The following ACOXL variants were observed in gnomAD, a reference collection of about 807,000 sequenced individuals.
The protein encoded by ACOXL is acyl-CoA oxidase like, also known as acyl-coenzyme A oxidase-like protein.
Under a neutral mutation model 71.9 loss-of-function variants are expected in ACOXL, and 70 were observed. The ratio of observed to expected loss-of-function variants is 0.97; its 90% CI spans 0.80 to 1.19. The LOEUF is 1.19. Among genes scored for constraint, ACOXL ranks in the 50% most tolerant of loss-of-function variants. The probability of loss-of-function intolerance (pLI) is 0.00; values close to 1 mark genes in which losing one functional copy is unlikely to be tolerated. For synonymous variants in ACOXL, 253 were observed against 281.6 expected (o/e 0.90, Z 1.02); for missense variants, 703 against 736.3 (o/e 0.95, Z 0.52).
intron 10 of ACOXL, among the ~76,000 whole-genome samples, chr2:110,885,925 C>G (rs1470895050): frequency 6.6e-6 from 1 of 152,152 alleles, no homozygotes; most frequent in East Asian, 1.9e-4. Context: ...TTATTATTGC[C>G]TATTTTATTG....
intron 12 of ACOXL, among the ~76,000 whole-genome samples, chr2:110,980,869 T>C (rs1166714831): frequency 6.6e-6 from 1 of 152,242 alleles, no homozygotes; most frequent in Non-Finnish European, 1.5e-5. Context: ...TGAGAATTTA[T>C]GTCAAGTGTG....
At chr2:110,788,899 G>A (rs974348018) in intron 3 of ACOXL, among the ~76,000 whole-genome samples, 6 of 152,204 alleles carry the variant, frequency 3.9e-5, no homozygotes, top group Non-Finnish European at 7.3e-5. Flanking sequence ...TCAGTCAGGG[G>A]TTCCCCAGAT....
At chr2:110,862,101 C>T (rs536059017) in intron 10 of ACOXL, among the ~76,000 whole-genome samples, 1 of 152,308 alleles carries the variant, frequency 6.6e-6, no homozygotes, top group Admixed American at 6.5e-5. Flanking sequence ...GTGAGGCCTT[C>T]GAACCGAGAA....
intron 16 of ACOXL, among the ~76,000 whole-genome samples, chr2:111,074,502 A>G (rs2067501176): frequency 6.6e-6 from 1 of 152,072 alleles, no homozygotes; most frequent in South Asian, 2.1e-4. Context: ...TCAGGAATTA[A>G]TGTTAAATTT....
intron 17 of ACOXL, among the ~76,000 whole-genome samples, chr2:111,115,316 CT>C (rs548798402): frequency 1.7e-3 from 259 of 152,232 alleles, no homozygotes; most frequent in Non-Finnish European, 3.2e-3. Context: ...AAAATACCCC[CT>C]GGTAATAAAA....
At chr2:110,881,391 A>G (rs1244352727) in intron 10 of ACOXL, among the ~76,000 whole-genome samples, 1 of 152,026 alleles carries the variant, frequency 6.6e-6, no homozygotes, top group Admixed American at 6.5e-5. Flanking sequence ...TTATATCATA[A>G]ATTGCTTTCC....
At chr2:110,846,643 A>ACG (rs1223702656) in intron 10 of ACOXL, among the ~76,000 whole-genome samples, 154 of 84,010 alleles carry the variant, frequency 1.8e-3, no homozygotes, top group African/African-American at 5.6e-3. Context: ...GCATACACGC[A>ACG]CACACACACA....
chr2:110,785,722 G>C (rs1683883542), intron 3 of ACOXL, among the ~76,000 whole-genome samples: 1 of 152,140 alleles, frequency 6.6e-6, no homozygotes, highest in South Asian at 2.1e-4. Flanking sequence ...AAGTGCTGCT[G>C]TGAATACTCT....
intron 1 of ACOXL, among the ~76,000 whole-genome samples, chr2:110,753,014 G>T (rs1316368448): frequency 6.6e-6 from 1 of 152,128 alleles, no homozygotes; most frequent in Non-Finnish European, 1.5e-5. Flanking sequence ...GTTGGAGGTG[G>T]GACCTAGTGG....
chr2:111,029,868 C>G (rs1049065309), intron 14 of ACOXL, among the ~76,000 whole-genome samples: 5 of 151,764 alleles, frequency 3.3e-5, no homozygotes, highest in African/African-American at 1.2e-4. Context: ...GTTTTTTTTC[C>G]TTTTTCCTCA....
intron 1 of ACOXL, among the ~76,000 whole-genome samples, chr2:110,736,966 G>C (rs1049570042): frequency 1.3e-5 from 2 of 152,152 alleles, no homozygotes; most frequent in African/African-American, 4.8e-5. Flanking sequence ...TTGGCCCCCA[G>C]CCACTTTGTT....
Position 110,745,741 on chromosome 2 carries a change from A to G in ACOXL, c.-23+12967A>G, listed in dbSNP as rs139738700. On this transcript the variant is annotated intron_variant, in intron 1 of 17. Transcript: ENST00000439055. ...AAAATATTACCCGTGCAAGGAACCA[A>G]TGTCTGACTAAAGAGATGAAGTGTC... Among the ~76,000 whole-genome samples the G allele has an allele frequency of 1.2e-3, 184 of 152,308 alleles. 2 individuals carry two copies. The highest frequency in any genetic ancestry group is 3.8e-3 in the African/African-American group (160 of 41,570).
At chr2:111,010,137 C>T (rs1212157195) in intron 14 of ACOXL, among the ~76,000 whole-genome samples, 1 of 151,652 alleles carries the variant, frequency 6.6e-6, no homozygotes, top group Non-Finnish European at 1.5e-5. Context: ...AGAAGAAGAC[C>T]CCAAAATTCC....
chr2:110,863,166 C>T (rs546054212), intron 10 of ACOXL, among the ~76,000 whole-genome samples: 283 of 152,316 alleles, frequency 1.9e-3, no homozygotes, highest in African/African-American at 5.9e-3. Flanking sequence ...CTCCATTATT[C>T]ATAATATACA....
chr2:110,839,992 G>GTTGTTGTTGTTGT (rs1221856389), intron 9 of ACOXL, among the ~76,000 whole-genome samples: 10 of 152,116 alleles, frequency 6.6e-5, no homozygotes, highest in East Asian at 3.9e-4. Context: ...GTTGTTGTTT[G>GTTGTTGTTGTTGT]TTGTTGTTGT....
intron 14 of ACOXL, among the ~76,000 whole-genome samples, chr2:111,005,310 A>G (rs2063822787): frequency 6.6e-6 from 1 of 152,226 alleles, no homozygotes; most frequent in Admixed American, 6.5e-5. Context: ...ATCATTAATG[A>G]TCCTCAAAAT....
At chr2:110,923,894 C>G (rs1163009175) in intron 11 of ACOXL, among the ~76,000 whole-genome samples, 1 of 151,552 alleles carries the variant, frequency 6.6e-6, no homozygotes, top group Non-Finnish European at 1.5e-5. Flanking sequence ...TGAGAACACA[C>G]CATTGTCATC....
intron 15 of ACOXL, among the ~76,000 whole-genome samples, chr2:111,038,490 C>T (rs924632226): frequency 2.0e-5 from 3 of 152,216 alleles, no homozygotes; most frequent in African/African-American, 7.2e-5. Flanking sequence ...ATCTGGTCTA[C>T]AGCCCCTGTT....
At chr2:110,826,125 A>C (rs1689134839) in intron 9 of ACOXL, among the ~76,000 whole-genome samples, 1 of 152,196 alleles carries the variant, frequency 6.6e-6, no homozygotes. Context: ...ATAAAAGGCC[A>C]CTTTGGATAA....
Sources: allele counts gnomAD v4.1 joint callset (sites outside exome capture counted in the v4.1 genomes callset), GRCh38; gene constraint gnomAD v4.1.1; transcripts MANE v1.5; gene names NCBI Gene and HGNC (gene_info 2026-07-23, HGNC 2026-07-21).